The following TTC23 variants were observed in gnomAD, a reference collection of about 807,000 sequenced individuals.
TTC23 encodes tetratricopeptide repeat domain 23, also known as tetratricopeptide repeat protein 23.
In TTC23, 58 loss-of-function variants were observed where a neutral mutation model predicts 55.1. That is an observed-to-expected ratio of 1.05 (90% CI 0.85 to 1.31). The LOEUF (loss-of-function observed/expected upper bound fraction) is 1.31. TTC23 is among the 50% of genes most tolerant of loss of function. The pLI, the probability that TTC23 is intolerant of heterozygous loss-of-function variation, is 0.00. For missense variants in TTC23, 516 were observed against 534.4 expected (o/e 0.97, Z 0.34); for synonymous variants, 203 against 199.9 (o/e 1.02, Z -0.13).
intron 8 of TTC23, among the ~76,000 whole-genome samples, chr15:99,203,784 T>C (rs2076390643): frequency 6.6e-6 from 1 of 152,086 alleles, no homozygotes; most frequent in South Asian, 2.1e-4. Flanking sequence ...TCACTTAACA[T>C]AATGCCCTCC....
intron 4 of TTC23, among the ~76,000 whole-genome samples, chr15:99,230,334 G>GA (rs887240485): frequency 1.1e-4 from 17 of 151,440 alleles, no homozygotes; most frequent in Admixed American, 9.9e-4. Context: ...TATCAAAAAT[G>GA]AAAAAAAATC....
At chr15:99,187,995 A>C (rs1169382946) in intron 9 of TTC23, among the ~76,000 whole-genome samples, 1 of 152,030 alleles carries the variant, frequency 6.6e-6, no homozygotes, top group Non-Finnish European at 1.5e-5. Flanking sequence ...TTATAGCCTT[A>C]TACCCAAGAG....
Position 99,175,099 on chromosome 15 carries a change from T to C in TTC23, c.816A>G (p.Ala272=). 1 of 1,614,180 alleles carries C rather than the reference T, an allele frequency of 6.2e-7. No homozygotes were observed. Among genetic ancestry groups the C allele is most frequent in the South Asian group, 1.1e-5 (1 of 91,084 alleles). Reference sequence around the variant, plus strand: ...CGACAGCAGCATGGGCGACGATGTGTGCCGAGTCTGCTGCCTCCACTTGAG... The same window carrying C: ...CGACAGCAGCATGGGCGACGATGTGCGCCGAGTCTGCTGCCTCCACTTGAG... ...SPSQVEAADS[A]HIVAHAAVAS... The change falls in exon 10 of 14, where the codon GCA becomes GCG. Residue 272 remains alanine, a synonymous_variant. Transcript: ENST00000394132.
In TTC23 at chr15:99,175,095, T is replaced by C. The variant is rs1158616867; in HGVS notation, c.820A>G (p.Ile274Val). 10 of 1,614,042 alleles carry C rather than the reference T, an allele frequency of 6.2e-6. No homozygotes were observed. The African/African-American group carries it at 9.3e-5, about 15-fold the overall frequency. ...GAAGCGACAGCAGCATGGGCGACGA[T>C]GTGTGCCGAGTCTGCTGCCTCCACT... Reference protein sequence around the residue: ...SQVEAADSAHIVAHAAVASGR... With the variant: ...SQVEAADSAHVVAHAAVASGR... Residue 274 changes from isoleucine to valine, a missense_variant, in exon 10 of 14, where the codon ATC becomes GTC. Physicochemically the swap from Ile to Val is conservative, Grantham distance 29. Coordinates refer to ENST00000394132, the MANE Select transcript of TTC23 (RefSeq NM_001288615.3).
At chr15:99,240,101 C>G (rs1221097721) in intron 3 of TTC23, among the ~76,000 whole-genome samples, 1 of 152,172 alleles carries the variant, frequency 6.6e-6, no homozygotes, top group East Asian at 1.9e-4. Flanking sequence ...AGTGATCATA[C>G]ATTTTTATAA....
intron 8 of TTC23, among the ~76,000 whole-genome samples, chr15:99,206,925 G>C (rs1300708606): frequency 6.6e-6 from 1 of 151,874 alleles, no homozygotes; most frequent in African/African-American, 2.4e-5. Context: ...CTACTTTTTG[G>C]AGGTAAGCAT....
rs748736235 is a variant in TTC23, at chr15:99,228,605, T to C, written c.108A>G (p.Ala36=). The change falls in exon 5 of 14, where the codon GCA becomes GCG. Residue 36 remains alanine (A), a synonymous_variant. Coordinates refer to ENST00000394132, the MANE Select transcript of TTC23 (RefSeq NM_001288615.3). ...GTTTCTCTCGAGGAGGCTGGAATAG[T>C]GCTGTCTGAAGCAGCTTGTTTTGGA... The part of the protein sequence containing the change: ...KKFQNKLLQT[A]LFQPPREKLH... 1.9e-6 allele frequency: 3 copies of C among 1,614,136 alleles called. No homozygotes were observed. The highest frequency in any genetic ancestry group is 1.1e-5 in the South Asian group (1 of 91,070).
At chr15:99,200,393 TA>T (rs2076102510) in intron 8 of TTC23, among the ~76,000 whole-genome samples, 1 of 152,174 alleles carries the variant, frequency 6.6e-6, no homozygotes, top group Admixed American at 6.5e-5. Flanking sequence ...ATTGGGTTAT[TA>T]AGAAGATTAA....
At chr15:99,169,850 T>C (rs2072674106) in intron 10 of TTC23, among the ~76,000 whole-genome samples, 1 of 152,082 alleles carries the variant, frequency 6.6e-6, no homozygotes, top group Admixed American at 6.6e-5. Context: ...CTCCCTAAAC[T>C]CTAACCAGAC....
intron 12 of TTC23, among the ~76,000 whole-genome samples, chr15:99,152,212 C>T (rs2069870272): frequency 6.6e-6 from 1 of 152,142 alleles, no homozygotes; most frequent in Non-Finnish European, 1.5e-5. Context: ...CCCCATGCGA[C>T]GTGCCTTCTC....
At chr15:99,227,034 C>T (rs1223955) in intron 5 of TTC23, among the ~76,000 whole-genome samples, 11 of 152,160 alleles carry the variant, frequency 7.2e-5, no homozygotes, top group Non-Finnish European at 1.3e-4. Flanking sequence ...TTGTTAAATG[C>T]CTTTGGGCAT....
intron 8 of TTC23, among the ~76,000 whole-genome samples, chr15:99,202,420 T>A (rs2076276364): frequency 6.6e-6 from 1 of 152,192 alleles, no homozygotes; most frequent in African/African-American, 2.4e-5. Context: ...AACACCAAGA[T>A]AATTTCATCT....
chr15:99,247,563 T>C (rs920343520), intron 1 of TTC23, among the ~76,000 whole-genome samples: 1 of 152,144 alleles, frequency 6.6e-6, no homozygotes, highest in Non-Finnish European at 1.5e-5. Context: ...ACAACATGGA[T>C]GAACCTCAAA....
At chr15:99,143,793 T>C (rs1555491541) in intron 12 of TTC23, among the ~76,000 whole-genome samples, 3 of 152,286 alleles carry the variant, frequency 2.0e-5, no homozygotes, top group East Asian at 1.9e-4. Flanking sequence ...TGTCCCTAAA[T>C]GGGGCCATGT....
At chr15:99,245,944 A>G (rs1474267434) in intron 1 of TTC23, among the ~76,000 whole-genome samples, 1 of 150,742 alleles carries the variant, frequency 6.6e-6, no homozygotes, top group Non-Finnish European at 1.5e-5. Flanking sequence ...TCAGCCTCCC[A>G]AGCAGCTGGG....
chr15:99,145,576 A>AGGT (rs1228152338), intron 12 of TTC23, among the ~76,000 whole-genome samples: 52 of 114,282 alleles, frequency 4.6e-4, no homozygotes, highest in African/African-American at 9.2e-4. Flanking sequence ...GGATGGGGGG[A>AGGT]GGTGGTGGTG....
chr15:99,187,057 A>T (rs2602019), intron 9 of TTC23, among the ~76,000 whole-genome samples: 33,137 of 152,024 alleles, frequency 0.22, 3,875 homozygotes, highest in African/African-American at 0.29. Flanking sequence ...TGATTTCAAA[A>T]CTTACAACAA....
At chr15:99,181,632 C>A (rs1419022976) in intron 9 of TTC23, among the ~76,000 whole-genome samples, 1 of 152,294 alleles carries the variant, frequency 6.6e-6, no homozygotes, top group South Asian at 2.1e-4. Context: ...TGAGCTAACA[C>A]CCTTACGTAA....
intron 8 of TTC23, among the ~76,000 whole-genome samples, chr15:99,203,731 T>C (rs958007231): frequency 8.5e-5 from 13 of 152,100 alleles, no homozygotes; most frequent in African/African-American, 2.9e-4. Flanking sequence ...TTTTAGCTCC[T>C]ACATTTGACT....
Sources: allele counts gnomAD v4.1 joint callset (sites outside exome capture counted in the v4.1 genomes callset), GRCh38; gene constraint gnomAD v4.1.1; transcripts MANE v1.5; gene names NCBI Gene and HGNC (gene_info 2026-07-23, HGNC 2026-07-21).